The following TRERF1 variants were observed in gnomAD, a reference collection of about 807,000 sequenced individuals.
TRERF1 encodes the protein transcriptional regulating factor 1.
Under a neutral mutation model 122.9 loss-of-function variants are expected in TRERF1, and 27 were observed. That is an observed-to-expected ratio of 0.22 (90% CI 0.16 to 0.30). The LOEUF (loss-of-function observed/expected upper bound fraction) is 0.30. Among genes scored for constraint, TRERF1 ranks in the 10% least tolerant of loss-of-function variants. The pLI, the probability that TRERF1 is intolerant of heterozygous loss-of-function variation, is 1.00. For missense variants in TRERF1, 1,248 were observed against 1,560.3 expected, an observed-to-expected ratio of 0.80 and a Z score of 3.37; for synonymous variants, 636 against 641.7, an observed-to-expected ratio of 0.99 and a Z score of 0.13.
intron 2 of TRERF1, among the ~76,000 whole-genome samples, chr6:42,449,720 G>C (rs1788130567): frequency 6.6e-6 from 1 of 152,152 alleles, no homozygotes; most frequent in Non-Finnish European, 1.5e-5. Flanking sequence ...AGGAACATTT[G>C]ATAAGCAGCA....
At chr6:42,425,245 C>T (rs957921634) in intron 2 of TRERF1, among the ~76,000 whole-genome samples, 8 of 152,142 alleles carry the variant, frequency 5.3e-5, no homozygotes, top group African/African-American at 1.9e-4. Context: ...AAGAATGGGT[C>T]ACATACTTCA....
intron 4 of TRERF1, among the ~76,000 whole-genome samples, chr6:42,284,996 G>A (rs980489388): frequency 1.3e-5 from 2 of 152,028 alleles, no homozygotes; most frequent in Non-Finnish European, 2.9e-5. Flanking sequence ...CTCAAGGTAA[G>A]ATTTCTGACA....
intron 3 of TRERF1, among the ~76,000 whole-genome samples, chr6:42,355,604 CAT>C (rs1292475780): frequency 1.3e-5 from 2 of 152,328 alleles, no homozygotes; most frequent in African/African-American, 4.8e-5. Flanking sequence ...GTTTATATAA[CAT>C]AGGAATTATC....
chr6:42,367,493 C>T (rs969284217), intron 2 of TRERF1, among the ~76,000 whole-genome samples: 1 of 152,130 alleles, frequency 6.6e-6, no homozygotes, highest in African/African-American at 2.4e-5. Context: ...AGAGGCTGCA[C>T]GCCACTGAGA....
chr6:42,365,260 T>C (rs1460285745), intron 2 of TRERF1, among the ~76,000 whole-genome samples: 1 of 152,160 alleles, frequency 6.6e-6, no homozygotes, highest in Admixed American at 6.5e-5. Context: ...AGCCAGCTGC[T>C]GGCCAGTATC....
intron 17 of TRERF1, among the ~76,000 whole-genome samples, chr6:42,231,196 C>T (rs1770483023): frequency 6.6e-6 from 1 of 152,198 alleles, no homozygotes; most frequent in South Asian, 2.1e-4. Flanking sequence ...CAAGTTCAAC[C>T]TCTTGCTCTC....
intron 4 of TRERF1, among the ~76,000 whole-genome samples, chr6:42,289,497 T>C (rs888939759): frequency 6.6e-6 from 1 of 152,174 alleles, no homozygotes; most frequent in Admixed American, 6.5e-5. Context: ...TACAGGCTAT[T>C]ATGTAGGACT....
At chr6:42,264,054 G>A (rs1778714583) in intron 7 of TRERF1, among the ~76,000 whole-genome samples, 1 of 152,154 alleles carries the variant, frequency 6.6e-6, no homozygotes, top group Non-Finnish European at 1.5e-5. Flanking sequence ...AACATAATCT[G>A]GCATGGCCAG....
intron 12 of TRERF1, among the ~76,000 whole-genome samples, chr6:42,255,222 C>T (rs1327127687): frequency 6.6e-6 from 1 of 152,176 alleles, no homozygotes; most frequent in Non-Finnish European, 1.5e-5. Flanking sequence ...ATGAGTGGTG[C>T]CTCCTCTGAC....
chr6:42,277,875 A>T (rs867970321), intron 4 of TRERF1, among the ~76,000 whole-genome samples: 1 of 120,224 alleles, frequency 8.3e-6, no homozygotes, highest in Non-Finnish European at 1.7e-5. Context: ...AAGGAAGAAG[A>T]AGGAAGAAGG....
intron 3 of TRERF1, among the ~76,000 whole-genome samples, chr6:42,303,927 A>AAAAAAAAAAG (rs1554157103): frequency 6.7e-6 from 1 of 150,112 alleles, no homozygotes; most frequent in African/African-American, 2.5e-5. Context: ...AAAAAAAAAA[A>AAAAAAAAAAG]AAGAAGATGT....
chr6:42,252,363 A>G (rs1183576618), intron 13 of TRERF1, among the ~76,000 whole-genome samples: 2 of 152,156 alleles, frequency 1.3e-5, no homozygotes, highest in Non-Finnish European at 2.9e-5. Context: ...CTTTCTCCCC[A>G]AACTTACAGC....
chr6:42,399,719 G>A lies in TRERF1; in HGVS notation c.-453-36640C>T, dbSNP rs868626304. On this transcript the variant is annotated intron_variant, in intron 2 of 17. Coordinates refer to ENST00000372922, the Ensembl canonical transcript of TRERF1. ...CAGAACTTGACCATGGGGAAGGAGA[G>A]GGAGTAGGGAGGAGAGAACACCTCC... Among the ~76,000 whole-genome samples, 4 of 152,192 alleles carry A rather than the reference G, an allele frequency of 2.6e-5. No homozygotes were observed. The South Asian group carries it at 6.2e-4, about 24-fold the overall frequency.
intron 2 of TRERF1, among the ~76,000 whole-genome samples, chr6:42,372,549 T>C (rs1470286791): frequency 6.6e-6 from 1 of 152,158 alleles, no homozygotes; most frequent in Non-Finnish European, 1.5e-5. Context: ...TCTCTTCAAC[T>C]AAACCTTTTG....
chr6:42,337,360 C>A (rs1382895597), intron 3 of TRERF1, among the ~76,000 whole-genome samples: 1 of 152,206 alleles, frequency 6.6e-6, no homozygotes, highest in Non-Finnish European at 1.5e-5. Flanking sequence ...GGCTCAAGTT[C>A]TAATACCGCT....
At chr6:42,372,420 C>T (rs145686234) in intron 2 of TRERF1, among the ~76,000 whole-genome samples, 1 of 152,272 alleles carries the variant, frequency 6.6e-6, no homozygotes, top group African/African-American at 2.4e-5. Context: ...GGAGTTCCTT[C>T]AGGCCTCAGA....
chr6:42,397,141 T>C lies in TRERF1; in HGVS notation c.-453-34062A>G, dbSNP rs539080708. ...CTGGAAGAAACTTACAAACTAAAAT[T>C]ACACTGTAACAGAGAAGGGGGAGAA... On this transcript the variant is annotated intron_variant, in intron 2 of 17. Transcript: ENST00000372922. Among the ~76,000 whole-genome samples the C allele has an allele frequency of 5.1e-4, 78 of 152,138 alleles. 2 individuals carry two copies. Among genetic ancestry groups the C allele is most frequent in the African/African-American group, 1.9e-3 (77 of 41,492 alleles).
intron 13 of TRERF1, among the ~76,000 whole-genome samples, chr6:42,252,081 T>C (rs1484443306): frequency 6.6e-6 from 1 of 152,232 alleles, no homozygotes; most frequent in Admixed American, 6.5e-5. Flanking sequence ...AACAGAGGGC[T>C]GGACTGTGCA....
chr6:42,436,814 A>AAAAAAAAAATATAT (rs61427173), intron 2 of TRERF1, among the ~76,000 whole-genome samples: 2 of 66,694 alleles, frequency 3.0e-5, no homozygotes, highest in African/African-American at 1.1e-4. Context: ...AAAAAAAAAA[A>AAAAAAAAAATATAT]ATATATATAT....
Sources: gnomAD v4.1 joint callset for allele counts (sites outside exome capture counted in the v4.1 genomes callset) on GRCh38, gnomAD v4.1.1 for gene constraint, MANE v1.5 for transcripts, NCBI Gene and HGNC (gene_info 2026-07-23, HGNC 2026-07-21) for gene names.